LRRC72: variants seen among roughly 807,000 people sequenced by gnomAD.
The protein encoded by LRRC72 is leucine rich repeat containing 72.
LRRC72 carries 41 observed loss-of-function variants against 35.8 expected under a neutral mutation model. That is an observed-to-expected ratio of 1.15 (90% CI 0.89 to 1.49). The LOEUF (loss-of-function observed/expected upper bound fraction) is 1.49, where lower values mean the gene tolerates loss of function less well. LRRC72 is among the 40% of genes most tolerant of loss of function. The pLI, the probability that LRRC72 is intolerant of heterozygous loss-of-function variation, is 0.00. For synonymous variants in LRRC72, 118 were observed against 119.2 expected (o/e 0.99, Z 0.07); for missense variants, 389 against 330.7 (o/e 1.18, Z -1.37).
intron 5 of LRRC72, among the ~76,000 whole-genome samples, chr7:16,564,921 T>G (rs893539038): frequency 6.6e-6 from 1 of 152,212 alleles, no homozygotes; most frequent in African/African-American, 2.4e-5. Flanking sequence ...TTTCCGAGTT[T>G]CTAATGCTTA....
intron 3 of LRRC72, among the ~76,000 whole-genome samples, chr7:16,542,764 T>C (rs1430723555): frequency 6.6e-6 from 1 of 152,214 alleles, no homozygotes; most frequent in East Asian, 1.9e-4. Flanking sequence ...GTAGCTTTTT[T>C]ATCTTAGTAG....
At chr7:16,550,409 A>G (rs1290788246) in intron 3 of LRRC72, among the ~76,000 whole-genome samples, 1 of 152,180 alleles carries the variant, frequency 6.6e-6, no homozygotes, top group East Asian at 1.9e-4. Context: ...TGACAAGTGT[A>G]AAGTACTAAT....
chr7:16,537,037 C>A (rs920710285), intron 2 of LRRC72: 1 of 152,184 alleles, frequency 6.6e-6, no homozygotes, highest in Admixed American at 6.5e-5. Context: ...GCTGCCTTAG[C>A]AACAAGAACC....
intron 2 of LRRC72, 95 bp downstream of exon 2, chr7:16,532,663 C>A: frequency 1.0e-6 from 1 of 987,084 alleles, no homozygotes; most frequent in African/African-American, 1.6e-5. Flanking sequence ...CCATTTTTCC[C>A]CCTCAAGGAC....
chr7:16,563,679 G>A (rs1193220775), intron 5 of LRRC72, among the ~76,000 whole-genome samples: 1 of 152,138 alleles, frequency 6.6e-6, no homozygotes, highest in Non-Finnish European at 1.5e-5. Context: ...AATGTTAAAT[G>A]TTTAATAGTA....
chr7:16,549,520 C>T (rs1782511372), intron 3 of LRRC72, among the ~76,000 whole-genome samples: 1 of 152,182 alleles, frequency 6.6e-6, no homozygotes, highest in Non-Finnish European at 1.5e-5. Context: ...CCACTGGACA[C>T]ATCCGCTGTC....
In LRRC72 at chr7:16,532,523, G is replaced by A. The variant is rs1005027179; in HGVS notation, c.119G>A (p.Gly40Asp). Residue 40 changes from glycine to aspartate, a missense_variant, in exon 2 of 9, where the codon GGC (glycine) becomes GAC (aspartate). Gly to Asp is a moderately conservative substitution (Grantham distance 94). Transcript: ENST00000401542. ...GTTGAAGATCAGCTAAAGATATGTGGCCACAGGAGGGATGCTGATGTCTTT... is the reference window on the plus strand; with the variant it reads ...GTTGAAGATCAGCTAAAGATATGTGACCACAGGAGGGATGCTGATGTCTTT... ...RAVEDQLKICGHRRDADVFEL... is the reference protein window; with the variant it reads ...RAVEDQLKICDHRRDADVFEL... 6.5e-7 allele frequency: 1 copy of A among 1,550,156 alleles called. No individual in the cohort carries two copies. The highest frequency in any genetic ancestry group is 2.4e-5 in the East Asian group (1 of 40,892).
intron 3 of LRRC72, among the ~76,000 whole-genome samples, chr7:16,546,460 G>A (rs1782444833): frequency 6.6e-6 from 1 of 151,952 alleles, no homozygotes; most frequent in African/African-American, 2.4e-5. Context: ...AATATTTCCA[G>A]ATATTGTCAA....
At chr7:16,542,105 G>C (rs1782368001) in intron 3 of LRRC72, among the ~76,000 whole-genome samples, 2 of 152,190 alleles carry the variant, frequency 1.3e-5, no homozygotes, top group African/African-American at 4.8e-5. Flanking sequence ...GAGGGAAAGA[G>C]CATGTACCAA....
Position 16,559,000 on chromosome 7 carries a change from G to A in LRRC72, c.427+1G>A. 6.6e-7 allele frequency: 1 copy of A among 1,510,306 alleles called. No individual in the cohort carries two copies. The highest frequency in any genetic ancestry group is 1.2e-5 in the South Asian group (1 of 80,040). 93.6% of individuals were successfully genotyped at this position (1,510,306 alleles called of 1,614,324 possible). A position where few individuals can be genotyped will look rare whatever the true frequency, so the allele number is the denominator to read the frequency against. Reference sequence around the variant, plus strand: ...GGAATGCTAAATCTGAAGATCCTAAGTAACAATTTGCAATTTTATATGGCC... The same window carrying A: ...GGAATGCTAAATCTGAAGATCCTAAATAACAATTTGCAATTTTATATGGCC... On this transcript the variant is annotated splice_donor_variant, in intron 5 of 8. Transcript: ENST00000401542. LOFTEE classifies it high-confidence loss of function.
At position 16,550,407 on chromosome 7, in the gene LRRC72, G is replaced by A. The variant is rs139586048; in HGVS notation, c.235-6953G>A. On this transcript the variant is annotated intron_variant, in intron 3 of 8. Transcript: ENST00000401542. ...ATGAAAAATAAATGAGATGACAAGT[G>A]TAAAGTACTAATCAAAGAAACTTGC... 1.3e-3 allele frequency among the ~76,000 whole-genome samples: 204 copies of A among 152,212 alleles called. 3 individuals carry two copies. Among genetic ancestry groups the A allele is most frequent in the African/African-American group, 4.3e-3 (179 of 41,524 alleles).
At chr7:16,549,618 G>A (rs375136745) in intron 3 of LRRC72, among the ~76,000 whole-genome samples, 9 of 152,134 alleles carry the variant, frequency 5.9e-5, no homozygotes, top group Admixed American at 3.3e-4. Flanking sequence ...AACTGTCTCC[G>A]CTTCTTTGCA....
At chr7:16,561,911 A>G (rs7790525) in intron 5 of LRRC72, among the ~76,000 whole-genome samples, 35,956 of 152,144 alleles carry the variant, frequency 0.24, 5,129 homozygotes, top group African/African-American at 0.37. Context: ...TTTCAAATGT[A>G]GTCATTTTTG....
intron 3 of LRRC72, among the ~76,000 whole-genome samples, chr7:16,554,854 G>A (rs1477159749): frequency 2.6e-5 from 4 of 152,178 alleles, no homozygotes; most frequent in Non-Finnish European, 4.4e-5. Flanking sequence ...AATGAGCAAC[G>A]CAAGAGAAAT....
intron 8 of LRRC72, 59 bp from the exon 9 acceptor site, chr7:16,581,265 T>G: frequency 7.2e-7 from 1 of 1,383,710 alleles, no homozygotes; most frequent in Non-Finnish European, 9.5e-7. Context: ...AAATTTCATT[T>G]TGGTCAAATT....
chr7:16,567,199 T>C (rs1782860018), intron 6 of LRRC72, among the ~76,000 whole-genome samples, 192 bp from the exon 7 acceptor site: 2 of 152,090 alleles, frequency 1.3e-5, no homozygotes, highest in South Asian at 4.1e-4. Context: ...TCTTGTGACA[T>C]GTGGGGTGTA....
intron 5 of LRRC72, 45 bp downstream of exon 5, chr7:16,559,044 A>C: frequency 9.0e-7 from 1 of 1,110,810 alleles, no homozygotes; most frequent in Non-Finnish European, 1.3e-6. Flanking sequence ...AAATAGTATT[A>C]ACATAAGACA....
chr7:16,576,236 A>G (rs1322890903), intron 7 of LRRC72, among the ~76,000 whole-genome samples: 1 of 152,220 alleles, frequency 6.6e-6, no homozygotes, highest in African/African-American at 2.4e-5. Context: ...TAAAACTAAT[A>G]AAACGCGCTA....
rs114232345 is a variant in LRRC72 at position 16,577,862 on chromosome 7, G to A, written c.671-2212G>A. ...ACCATTTTCATCCAACAAGTAGGCA[G>A]AAGTTTTAAAGGGTTGTTAAAGATG... On this transcript the variant is annotated intron_variant, in intron 7 of 8. Transcript: ENST00000401542. Among the ~76,000 whole-genome samples the A allele has an allele frequency of 6.8e-3, 1,036 of 152,302 alleles. 13 individuals are homozygous for A. Among genetic ancestry groups the A allele is most frequent in the African/African-American group, 0.023 (970 of 41,538 alleles).
Sources: allele counts gnomAD v4.1 joint callset (sites outside exome capture counted in the v4.1 genomes callset), GRCh38; gene constraint gnomAD v4.1.1; transcripts MANE v1.5; gene names NCBI Gene and HGNC (gene_info 2026-07-23, HGNC 2026-07-21).